The following PCDH15 variants were observed in gnomAD, a reference collection of about 807,000 sequenced individuals.
The protein encoded by PCDH15 is protocadherin-15.
Under a neutral mutation model 178.5 loss-of-function variants are expected in PCDH15, and 129 were observed. That is an observed-to-expected ratio of 0.72 (90% CI 0.63 to 0.84). The LOEUF is 0.84. Ranked by LOEUF, PCDH15 falls within the 40% of genes least tolerant of loss-of-function variation. The pLI is 0.00. For missense variants in PCDH15, 2,230 were observed against 2,099.9 expected, an observed-to-expected ratio of 1.06 and a Z score of -1.21; for synonymous variants, 800 against 732.0, an observed-to-expected ratio of 1.09 and a Z score of -1.50.
At chr10:54,643,042 C>A (rs2135011337) in intron 2 of PCDH15, among the ~76,000 whole-genome samples, 2 of 152,298 alleles carry the variant, frequency 1.3e-5, no homozygotes, top group Admixed American at 1.3e-4. Flanking sequence ...CCTGCCTCAG[C>A]CTCCCGAGTA....
intron 2 of PCDH15, among the ~76,000 whole-genome samples, chr10:55,341,529 A>T (rs979141647): frequency 1.1e-4 from 16 of 150,022 alleles, no homozygotes; most frequent in Non-Finnish European, 2.1e-4. Flanking sequence ...AACCCATCTT[A>T]TGAGGTAGAC....
At chr10:54,700,680 A>G (rs1305250860) in intron 1 of PCDH15, among the ~76,000 whole-genome samples, 1 of 152,140 alleles carries the variant, frequency 6.6e-6, no homozygotes, top group Non-Finnish European at 1.5e-5. Context: ...AGAATAAAGA[A>G]TGGACAAAAC....
intron 10 of PCDH15, among the ~76,000 whole-genome samples, chr10:54,210,237 T>C (rs1297395668): frequency 6.6e-6 from 1 of 151,876 alleles, no homozygotes; most frequent in Non-Finnish European, 1.5e-5. Context: ...AGATGCAAGA[T>C]CAAATTGTAT....
intron 2 of PCDH15, among the ~76,000 whole-genome samples, chr10:54,952,715 T>C (rs1343429169): frequency 6.6e-6 from 1 of 151,770 alleles, no homozygotes; most frequent in African/African-American, 2.4e-5. Context: ...GTACACATTT[T>C]GTTAGATTTT....
intron 18 of PCDH15, among the ~76,000 whole-genome samples, chr10:54,062,246 A>AAAAAAAAAAAAAAAAAAAAT (rs2094038412): frequency 7.4e-6 from 1 of 135,054 alleles, no homozygotes; most frequent in South Asian, 2.4e-4. Flanking sequence ...AAAAAAAAAA[A>AAAAAAAAAAAAAAAAAAAAT]AAAAAACAAA....
intron 1 of PCDH15, among the ~76,000 whole-genome samples, chr10:54,721,854 CCTT>C (rs533365692): frequency 2.9e-3 from 448 of 151,930 alleles, no homozygotes; most frequent in African/African-American, 9.8e-3. Flanking sequence ...AAAGACTCCT[CCTT>C]CTCTCTTTTA....
At chr10:54,429,667 G>A (rs372865775) in intron 3 of PCDH15, among the ~76,000 whole-genome samples, 14 of 152,060 alleles carry the variant, frequency 9.2e-5, no homozygotes, top group South Asian at 2.1e-4. Context: ...AAAAACCAAC[G>A]AAAGAGCAGG....
intron 2 of PCDH15, among the ~76,000 whole-genome samples, chr10:55,583,695 A>G (rs942769354): frequency 6.6e-6 from 1 of 152,108 alleles, no homozygotes; most frequent in Non-Finnish European, 1.5e-5. Flanking sequence ...CGGCCTCCCA[A>G]AGTGCTGGGA....
At chr10:53,832,094 C>A (rs2132645211) in intron 29 of PCDH15, among the ~76,000 whole-genome samples, 2 of 150,992 alleles carry the variant, frequency 1.3e-5, no homozygotes, top group South Asian at 4.2e-4. Flanking sequence ...AAGTTTCAAA[C>A]CAAAAGAATG....
chr10:54,877,673 C>A (rs1023923538), intron 3 of PCDH15, among the ~76,000 whole-genome samples: 17 of 151,952 alleles, frequency 1.1e-4, no homozygotes, highest in African/African-American at 4.1e-4. Flanking sequence ...TTTAAAAATT[C>A]AATCACTTAG....
At chr10:53,926,881 G>C (rs999860832) in intron 25 of PCDH15, among the ~76,000 whole-genome samples, 2 of 152,090 alleles carry the variant, frequency 1.3e-5, no homozygotes, top group African/African-American at 4.8e-5. Context: ...TTCTCCACCA[G>C]GATAGAAACT....
chr10:55,452,651 C>A (rs1443438753), intron 2 of PCDH15, among the ~76,000 whole-genome samples: 1 of 151,994 alleles, frequency 6.6e-6, no homozygotes, highest in Non-Finnish European at 1.5e-5. Flanking sequence ...TCTTAGTAAA[C>A]CTCTTTGATT....
At chr10:53,900,553 A>G (rs2082268881) in intron 26 of PCDH15, among the ~76,000 whole-genome samples, 1 of 152,108 alleles carries the variant, frequency 6.6e-6, no homozygotes, top group East Asian at 1.9e-4. Context: ...CTTTTACACT[A>G]CTACCAAACT....
intron 2 of PCDH15, among the ~76,000 whole-genome samples, chr10:54,915,107 T>C (rs1297604691): frequency 6.6e-6 from 1 of 152,224 alleles, no homozygotes; most frequent in Non-Finnish European, 1.5e-5. Context: ...ATTATCATTG[T>C]TATTGCTAAG....
intron 3 of PCDH15, among the ~76,000 whole-genome samples, chr10:54,880,541 A>G (rs1954243830): frequency 6.6e-6 from 1 of 151,938 alleles, no homozygotes; most frequent in Non-Finnish European, 1.5e-5. Context: ...GTTGGTTCTA[A>G]CCAAAGTAGT....
intron 26 of PCDH15, among the ~76,000 whole-genome samples, chr10:53,870,785 A>C (rs921021828): frequency 6.6e-6 from 1 of 152,200 alleles, no homozygotes; most frequent in African/African-American, 2.4e-5. Flanking sequence ...ATAACAACCA[A>C]ATGTTCTTTC....
At chr10:55,432,846 G>A (rs1034190962) in intron 2 of PCDH15, among the ~76,000 whole-genome samples, 1 of 151,202 alleles carries the variant, frequency 6.6e-6, no homozygotes, top group Admixed American at 6.6e-5. Flanking sequence ...GGATGCTCTC[G>A]ATCTCCTGAC....
chr10:54,482,348 A>C (rs1407738090), intron 3 of PCDH15, among the ~76,000 whole-genome samples: 2 of 151,920 alleles, frequency 1.3e-5, no homozygotes, highest in Non-Finnish European at 2.9e-5. Flanking sequence ...TCATATGAAC[A>C]GATATTATAT....
rs72799047 is a variant in PCDH15, at chr10:54,270,171, T to C, written c.877-33240A>G. On this transcript the variant is annotated intron_variant, in intron 8 of 37. Coordinates refer to ENST00000644397, the MANE Select transcript of PCDH15 (RefSeq NM_001384140.1). The stretch of plus-strand genomic sequence containing the variant: ...GAAATATAACATTCAAACAATTTGA[T>C]AGTAGTCAATGAATCCAGTTTTTAA... Among the ~76,000 whole-genome samples the C allele has an allele frequency of 5.9e-3, 899 of 152,234 alleles. 9 individuals carry two copies. Among genetic ancestry groups the C allele is most frequent in the Admixed American group, 0.023 (349 of 15,284 alleles).
Sources: allele counts gnomAD v4.1 joint callset (sites outside exome capture counted in the v4.1 genomes callset), GRCh38; gene constraint gnomAD v4.1.1; transcripts MANE v1.5; gene names NCBI Gene and HGNC (gene_info 2026-07-23, HGNC 2026-07-21).